ZEB2: variants seen among roughly 807,000 people sequenced by gnomAD.
ZEB2 encodes zinc finger E-box-binding homeobox 2.
Under a neutral mutation model 99.9 loss-of-function variants are expected in ZEB2, and 6 were observed. That is an observed-to-expected ratio of 0.06 (90% confidence interval 0.03 to 0.12). The LOEUF (loss-of-function observed/expected upper bound fraction) is 0.12. Among genes scored for constraint, ZEB2 ranks in the 10% least tolerant of loss-of-function variants. The probability of loss-of-function intolerance (pLI) is 1.00; values close to 1 mark genes in which losing one functional copy is unlikely to be tolerated. For missense variants in ZEB2, 969 were observed against 1,502.8 expected (o/e 0.64, Z 5.87); for synonymous variants, 517 against 542.5 (o/e 0.95, Z 0.65).
chr2:144,420,790 T>C (rs1834844), intron 4 of ZEB2, among the ~76,000 whole-genome samples: 2,767 of 152,142 alleles, frequency 0.018, 78 homozygotes, highest in African/African-American at 0.063. Context: ...GGGCAGAGAT[T>C]CAGAGGTTGG....
At chr2:144,494,788 T>C (rs559651313) in intron 2 of ZEB2, 1 of 152,336 alleles carries the variant, frequency 6.6e-6, no homozygotes, top group African/African-American at 2.4e-5. Context: ...GTGAAATCCA[T>C]GCATACTTCT....
At position 144,399,137 on chromosome 2, in the gene ZEB2, G is replaced by A. The variant is rs2149876878; in HGVS notation, c.2050C>T (p.Pro684Ser). 1.9e-6 allele frequency: 3 copies of A among 1,614,134 alleles called. No individual in the cohort carries two copies. The highest frequency in any genetic ancestry group is 2.5e-6 in the Non-Finnish European group (3 of 1,180,022). Residue 684 changes from proline to serine, a missense_variant, in exon 8 of 10, where the codon CCT becomes TCT. Coordinates refer to ENST00000627532, the MANE Select transcript of ZEB2 (RefSeq NM_014795.4). The surrounding 1 kb of genome is among the most constrained non-coding windows in gnomAD (Gnocchi z 5.6). ...LLKISIAVGL[P>S]QEFVKEWFEQ... ...AACCATTCCTTCACAAATTCCTGAG[G>A]AAGGCCCACAGCAATGGAAATTTTC... is the stretch of plus-strand genomic sequence containing the variant.
At chr2:144,458,785 G>T (rs1404566828) in intron 2 of ZEB2, among the ~76,000 whole-genome samples, 1 of 152,172 alleles carries the variant, frequency 6.6e-6, no homozygotes, top group Non-Finnish European at 1.5e-5. Context: ...GAGGGAAAAG[G>T]TCTGGTTCCT....
At chr2:144,401,730 C>A (rs937570699) in intron 6 of ZEB2, among the ~76,000 whole-genome samples, 18 of 151,702 alleles carry the variant, frequency 1.2e-4, no homozygotes, top group African/African-American at 4.1e-4. Flanking sequence ...GAAAAACCAC[C>A]CCCACACAAC....
chr2:144,475,508 A>C (rs181172307), intron 2 of ZEB2, among the ~76,000 whole-genome samples: 113 of 152,256 alleles, frequency 7.4e-4, no homozygotes, highest in African/African-American at 2.3e-3. Flanking sequence ...ATATATATGT[A>C]TGTATATATG....
chr2:144,492,038 GCTT>G (rs1704688038), intron 2 of ZEB2, among the ~76,000 whole-genome samples: 1 of 152,150 alleles, frequency 6.6e-6, no homozygotes, highest in East Asian at 1.9e-4. Context: ...GAGACCTTGT[GCTT>G]CTTCTTTTCT....
At chr2:144,490,380 T>C (rs1704660312) in intron 2 of ZEB2, among the ~76,000 whole-genome samples, 1 of 152,206 alleles carries the variant, frequency 6.6e-6, no homozygotes, top group Admixed American at 6.5e-5. Flanking sequence ...GTCATTTTCA[T>C]TATTATTTGG....
At chr2:144,421,986 G>A (rs954306501) in intron 4 of ZEB2, among the ~76,000 whole-genome samples, 12 of 152,146 alleles carry the variant, frequency 7.9e-5, no homozygotes, top group African/African-American at 2.9e-4. Context: ...GAAATAGCAA[G>A]TACTGCTATA....
rs748573164 is a variant in ZEB2, at chr2:144,430,045, A to ACACACTCT, written c.74-27_74-20dup. On this transcript the variant is annotated intron_variant, in intron 2 of 9. Coordinates refer to ENST00000627532, the MANE Select transcript of ZEB2 (RefSeq NM_014795.4). Reference sequence around the variant, plus strand: ...TTCACCACTGCAGAAGAAGCACAAAACACACTCTCTAAACACTCTGTTGAG... The same window carrying ACACACTCT: ...TTCACCACTGCAGAAGAAGCACAAAACACACTCTCACACTCTCTAAACACTCTGTTGAG... 9 of 1,610,910 alleles carry ACACACTCT rather than the reference A, an allele frequency of 5.6e-6. No individual in the cohort carries two copies. The African/African-American group carries it at 1.1e-4, about 19-fold the overall frequency.
At chr2:144,452,592 C>T (rs1457335426) in intron 2 of ZEB2, among the ~76,000 whole-genome samples, 1 of 152,180 alleles carries the variant, frequency 6.6e-6, no homozygotes, top group East Asian at 1.9e-4. Context: ...TAGCTCTGCT[C>T]CGGCGGTAAT....
At position 144,442,036 on chromosome 2, in the gene ZEB2, G is replaced by C. The variant is rs75608844; in HGVS notation, c.74-12010C>G. ...ACCTCCGTTTCATTAAGATACAGTG[G>C]AATGTTAGAGGTTTAGGACAGATAA... On this transcript the variant is annotated intron_variant, in intron 2 of 9. Transcript: ENST00000627532. Among the ~76,000 whole-genome samples, 974 of 152,286 alleles carry C rather than the reference G, an allele frequency of 6.4e-3. 62 individuals are homozygous for C. In the East Asian group the frequency reaches 0.16, roughly 24 times the overall value.
At chr2:144,454,993 A>G (rs1704102205) in intron 2 of ZEB2, 1 of 152,162 alleles carries the variant, frequency 6.6e-6, no homozygotes, top group South Asian at 2.1e-4. Flanking sequence ...TGGTCCACAT[A>G]TGACTAGGGA....
intron 2 of ZEB2, chr2:144,514,404 C>T (rs368170585): frequency 3.3e-5 from 5 of 152,156 alleles, no homozygotes; most frequent in African/African-American, 1.2e-4. Context: ...TCTACTTATA[C>T]GATTATTATT....
At chr2:144,467,988 T>C (rs1316499510) in intron 2 of ZEB2, among the ~76,000 whole-genome samples, 1 of 152,024 alleles carries the variant, frequency 6.6e-6, no homozygotes, top group Non-Finnish European at 1.5e-5. Context: ...GAGAAGAAAC[T>C]GGAGCAGTGA....
At chr2:144,517,956 C>A in intron 1 of ZEB2, 1 of 396,738 alleles carries the variant, frequency 2.5e-6, no homozygotes, top group Admixed American at 3.7e-5. Flanking sequence ...GCCCCCTCCC[C>A]TCCCCTTTTG....
chr2:144,482,135 T>C (rs1429307668), intron 2 of ZEB2: 2 of 152,494 alleles, frequency 1.3e-5, no homozygotes, highest in Admixed American at 6.5e-5. Context: ...GTTCATTTTC[T>C]CTTTTTGCAG....
chr2:144,481,075 C>A (rs1284450885), intron 2 of ZEB2, among the ~76,000 whole-genome samples: 2 of 151,686 alleles, frequency 1.3e-5, no homozygotes, highest in African/African-American at 4.9e-5. Flanking sequence ...AGATCTTAGA[C>A]AAAGGCCAGC....
chr2:144,504,144 A>G (rs1369660453), intron 2 of ZEB2: 2 of 150,604 alleles, frequency 1.3e-5, no homozygotes, highest in Non-Finnish European at 2.9e-5. Context: ...ACTGATCATG[A>G]GATTTGGCTT....
intron 2 of ZEB2, among the ~76,000 whole-genome samples, chr2:144,466,033 GAATAGTCATT>G: frequency 6.6e-6 from 1 of 152,170 alleles, no homozygotes; most frequent in Non-Finnish European, 1.5e-5. Flanking sequence ...AATCTCTTAT[GAATAGTCATT>G]AGGCCTTCAC....
Sources: allele counts gnomAD v4.1 joint callset (sites outside exome capture counted in the v4.1 genomes callset), GRCh38; gene constraint gnomAD v4.1.1; non-coding constraint Gnocchi (gnomAD v3.1); transcripts MANE v1.5; gene names NCBI Gene and HGNC (gene_info 2026-07-23, HGNC 2026-07-21).